DOCK3: variants seen among roughly 807,000 people sequenced by gnomAD.
DOCK3 encodes dedicator of cytokinesis 3.
A neutral mutation model predicts 265.6 loss-of-function variants in DOCK3; 60 were observed. The ratio of observed to expected loss-of-function variants is 0.23; its 90% confidence interval spans 0.18 to 0.28. The LOEUF is 0.28. DOCK3 is among the 10% of genes least tolerant of loss of function. The probability of loss-of-function intolerance (pLI) is 1.00; values close to 1 mark genes in which losing one functional copy is unlikely to be tolerated. For missense variants in DOCK3, 1,981 were observed against 2,594.3 expected (o/e 0.76, Z 5.14); for synonymous variants, 881 against 938.0 (o/e 0.94, Z 1.11).
chr3:51,358,120 T>C, intron 46 of DOCK3, 43 bp downstream of exon 46: 1 of 1,588,812 alleles, frequency 6.3e-7, no homozygotes. Context: ...TAGAACCAGG[T>C]GTCACTTCCT....
intron 1 of DOCK3, among the ~76,000 whole-genome samples, chr3:50,744,034 T>G (rs1231794566): frequency 1.3e-5 from 2 of 152,256 alleles, no homozygotes; most frequent in Non-Finnish European, 2.9e-5. Context: ...ATTTTCCTAA[T>G]GAGTAATGAT....
chr3:50,814,762 G>C (rs2043974535), intron 2 of DOCK3, among the ~76,000 whole-genome samples: 1 of 151,436 alleles, frequency 6.6e-6, no homozygotes, highest in Non-Finnish European at 1.5e-5. Context: ...TTAGTTTTTT[G>C]TTTCTGCTGG....
In DOCK3 at chr3:51,360,709, C is replaced by A. The variant is rs1474866274; in HGVS notation, c.5006+77C>A. On this transcript the variant is annotated intron_variant, in intron 47 of 52. Transcript: ENST00000266037. ...GTCAAGGGTCAGAGGAAAGAGTCCTCATGTATACTCATATTCCCTCTTACC... is the reference window on the plus strand; with the variant it reads ...GTCAAGGGTCAGAGGAAAGAGTCCTAATGTATACTCATATTCCCTCTTACC... 2.5e-6 allele frequency: 4 copies of A among 1,572,364 alleles called. No homozygotes were observed. In the South Asian group the frequency reaches 4.6e-5, roughly 18 times the overall value.
chr3:51,246,957 T>C (rs1188783533), intron 22 of DOCK3, 150 bp downstream of exon 22: 1 of 795,186 alleles, frequency 1.3e-6, no homozygotes, highest in Non-Finnish European at 2.0e-6. Context: ...AATTTCTCTT[T>C]CCTTACCTTG....
At chr3:51,082,443 G>A (rs763263628) in intron 7 of DOCK3, among the ~76,000 whole-genome samples, 1 of 152,142 alleles carries the variant, frequency 6.6e-6, no homozygotes, top group Non-Finnish European at 1.5e-5. Flanking sequence ...CTGGGGAATG[G>A]GTGGTGCAGT....
chr3:50,794,518 T>C (rs1012410809), intron 2 of DOCK3, among the ~76,000 whole-genome samples: 1 of 152,172 alleles, frequency 6.6e-6, no homozygotes, highest in African/African-American at 2.4e-5. Flanking sequence ...TCTTCGTTGG[T>C]TTAAAGTCTG....
chr3:50,995,185 G>A (rs2078235671), intron 5 of DOCK3, among the ~76,000 whole-genome samples: 1 of 152,132 alleles, frequency 6.6e-6, no homozygotes, highest in African/African-American at 2.4e-5. Context: ...AAATGTTCTA[G>A]TGATTACATT....
chr3:51,301,833 G>T (rs1336874533), intron 27 of DOCK3, among the ~76,000 whole-genome samples: 1 of 152,098 alleles, frequency 6.6e-6, no homozygotes, highest in Non-Finnish European at 1.5e-5. Flanking sequence ...CATTCACTGA[G>T]GAGTGTTTTA....
Position 50,915,014 on chromosome 3 carries a change from G to C in DOCK3, c.219-18967G>C, listed in dbSNP as rs146420750. On this transcript the variant is annotated intron_variant, in intron 4 of 52. Transcript: ENST00000266037. ...CTGGGTCTTGGGGTTTAGGTTTGCT[G>C]TCTGTGGCAGAGTTGGATATAGATT... 3.1e-3 allele frequency among the ~76,000 whole-genome samples: 478 copies of C among 152,194 alleles called. 3 individuals are homozygous for C. The highest frequency in any genetic ancestry group is 6.2e-3 in the Admixed American group (95 of 15,296).
intron 3 of DOCK3, chr3:50,877,496 C>A (rs1411055191): frequency 1.9e-6 from 1 of 520,006 alleles, no homozygotes; most frequent in African/African-American, 1.9e-5. Context: ...TTCTGTCAGT[C>A]TCGAATGGCA....
chr3:51,343,588 C>T (rs1032350245), intron 38 of DOCK3, among the ~76,000 whole-genome samples: 1 of 152,180 alleles, frequency 6.6e-6, no homozygotes, highest in Non-Finnish European at 1.5e-5. Context: ...TTTGGAGTAG[C>T]TTTGCTTTCT....
intron 5 of DOCK3, among the ~76,000 whole-genome samples, chr3:51,016,719 T>TATA (rs2079305633): frequency 4.5e-5 from 3 of 67,290 alleles, no homozygotes; most frequent in African/African-American, 2.7e-4. Flanking sequence ...TATATCAATA[T>TATA]AATATATATG....
chr3:50,716,715 C>T (rs963286728), intron 1 of DOCK3, among the ~76,000 whole-genome samples: 3 of 151,686 alleles, frequency 2.0e-5, no homozygotes, highest in Middle Eastern at 3.4e-3. Flanking sequence ...TCTTTGGAAC[C>T]TAAATTAGGA....
intron 12 of DOCK3, among the ~76,000 whole-genome samples, chr3:51,199,075 G>A (rs976657422): frequency 6.6e-6 from 1 of 152,136 alleles, no homozygotes; most frequent in Admixed American, 6.5e-5. Flanking sequence ...GGCCGAGTAG[G>A]AACACCTCCG....
rs765094829 is a variant in DOCK3, at chr3:51,277,699, A to G, written c.2768A>G (p.His923Arg). ...CTGCTCACCATCATGAGCAAATCGC[A>G]CGCTCAGGAGGCGGTAAGAGGGCAG... Reference protein sequence around the residue: ...QTLLTIMSKSHAQEAVRGQRC... With the variant: ...QTLLTIMSKSRAQEAVRGQRC... The change falls in exon 26 of 53, where the codon CAC (histidine) becomes CGC (arginine). Residue 923 changes from histidine to arginine, a missense_variant. Transcript: ENST00000266037. 4 of 1,611,374 alleles carry G rather than the reference A, an allele frequency of 2.5e-6. No homozygotes were observed. The highest frequency in any genetic ancestry group is 2.2e-5 in the East Asian group (1 of 44,670).
intron 3 of DOCK3, among the ~76,000 whole-genome samples, chr3:50,850,359 CAA>C (rs774057419): frequency 1.1e-4 from 13 of 123,528 alleles, no homozygotes; most frequent in African/African-American, 9.0e-5. Flanking sequence ...GACTCCATCT[CAA>C]AAAAAAAAAA....
intron 27 of DOCK3, 38 bp from the exon 28 acceptor site, chr3:51,310,191 TGTG>T (rs1322521363): frequency 2.0e-6 from 3 of 1,510,088 alleles, no homozygotes; most frequent in Non-Finnish European, 2.7e-6. Flanking sequence ...AGATGCATAT[TGTG>T]GTGGTGGTGT....
At chr3:51,313,010 G>A in intron 31 of DOCK3, 108 bp downstream of exon 31, 4 of 1,046,462 alleles carry the variant, frequency 3.8e-6, no homozygotes, top group Non-Finnish European at 5.7e-6. Flanking sequence ...TCAGGCCCAA[G>A]AGATCCTTAC....
At chr3:51,302,648 A>G (rs1017648106) in intron 27 of DOCK3, among the ~76,000 whole-genome samples, 2 of 152,070 alleles carry the variant, frequency 1.3e-5, no homozygotes, top group African/African-American at 4.8e-5. Context: ...TGGTTGTCTG[A>G]AAAGGATTTT....
Sources: allele counts gnomAD v4.1 joint callset (sites outside exome capture counted in the v4.1 genomes callset), GRCh38; gene constraint gnomAD v4.1.1; transcripts MANE v1.5; gene names NCBI Gene and HGNC (gene_info 2026-07-23, HGNC 2026-07-21).